Variants in NPHP4 observed in about 807,000 individuals in gnomAD.
The protein encoded by NPHP4 is nephrocystin-4.
A neutral mutation model predicts 155.8 loss-of-function variants in NPHP4; 151 were observed. The ratio of observed to expected loss-of-function variants is 0.97; its 90% CI spans 0.85 to 1.11. NPHP4 has a LOEUF of 1.11. NPHP4 is among the 50% of genes least tolerant of loss of function. The pLI, the probability that NPHP4 is intolerant of heterozygous loss-of-function variation, is 0.00. For missense variants in NPHP4, 1,956 were observed against 1,925.7 expected (o/e 1.02, Z -0.29); for synonymous variants, 845 against 816.8 (o/e 1.03, Z -0.59).
chr1:5,909,616 C>G (rs1217377863), intron 11 of NPHP4, among the ~76,000 whole-genome samples: 2 of 152,134 alleles, frequency 1.3e-5, no homozygotes, highest in South Asian at 4.1e-4. Flanking sequence ...GTTTTGTTAA[C>G]CGAGAAGCTC....
At chr1:5,921,542 AT>A (rs1645741303) in intron 11 of NPHP4, among the ~76,000 whole-genome samples, 1 of 152,168 alleles carries the variant, frequency 6.6e-6, no homozygotes, top group Non-Finnish European at 1.5e-5. Context: ...ACGGTTTGTC[AT>A]TTTATTTTCA....
intron 10 of NPHP4, among the ~76,000 whole-genome samples, chr1:5,929,313 C>A (rs985730674): frequency 2.4e-4 from 37 of 152,218 alleles, no homozygotes; most frequent in Non-Finnish European, 8.8e-5. Context: ...GCACTGACTA[C>A]AACTTCCAGT....
intron 9 of NPHP4, among the ~76,000 whole-genome samples, chr1:5,940,166 G>A (rs746362423): frequency 5.3e-5 from 8 of 152,196 alleles, no homozygotes; most frequent in African/African-American, 1.2e-4. Context: ...GGGCTGGGAG[G>A]TGGAGCCTCA....
chr1:5,864,494 C>A lies in NPHP4; in HGVS notation c.3840G>T (p.Val1280=). 6.3e-7 allele frequency: 1 copy of A among 1,589,996 alleles called. No individual in the cohort carries two copies. The highest frequency in any genetic ancestry group is 8.6e-7 in the Non-Finnish European group (1 of 1,167,298). Residue 1280 remains valine (V), a synonymous_variant, in exon 28 of 30, where the codon GTG becomes GTT. Coordinates refer to ENST00000378156, the MANE Select transcript of NPHP4 (RefSeq NM_015102.5). ...ELKTDPKGVF[V]LPPRGVQDLH... is the part of the protein sequence containing the mutation. ...GGTCCTGCACCCCACGAGGCGGCAGCACGAAGACACCTTTGGGGTCTGTCT... is the reference window on the plus strand; with the variant it reads ...GGTCCTGCACCCCACGAGGCGGCAGAACGAAGACACCTTTGGGGTCTGTCT...
chr1:5,873,138 GC>G (rs1294362485), intron 23 of NPHP4, 113 bp downstream of exon 23: 13 of 917,170 alleles, frequency 1.4e-5, no homozygotes, highest in Non-Finnish European at 2.3e-5. Context: ...CGCCACCCCT[GC>G]CCTGACCTGG....
intron 7 of NPHP4, 146 bp from the exon 8 acceptor site, chr1:5,948,397 T>C (rs1456062404): frequency 3.2e-6 from 2 of 633,922 alleles, no homozygotes; most frequent in East Asian, 5.5e-5. Context: ...TCAAGATGAG[T>C]GCAAGCAAAT....
At position 5,865,131 on chromosome 1, in the gene NPHP4, C is replaced by T; in HGVS notation, c.3787G>A (p.Ala1263Thr). ...RGTQTVRKVR[A>T]FTSHPQELKT... is the part of the protein sequence containing the mutation. ...AGCTCCTGGGGATGAGAGGTGAAAG[C>T]TCTCACTTTCCTCACTGTCTGTGTC... The change falls in exon 27 of 30, where the codon GCT (alanine) becomes ACT (threonine). Residue 1263 changes from alanine to threonine, a missense_variant. Coordinates refer to ENST00000378156, the MANE Select transcript of NPHP4 (RefSeq NM_015102.5). 1 of 1,613,690 alleles carries T rather than the reference C, an allele frequency of 6.2e-7. No individual in the cohort carries two copies. The highest frequency in any genetic ancestry group is 8.5e-7 in the Non-Finnish European group (1 of 1,179,806).
rs747592217 is a variant in NPHP4, at chr1:5,874,536, G to A, written c.3166C>T (p.His1056Tyr). The change falls in exon 22 of 30, where the codon CAC (histidine) becomes TAC (tyrosine). Residue 1056 changes from histidine to tyrosine, a missense_variant. Transcript: ENST00000378156. ...TTGAAGGGGACGTGGGCGGTCTCGT[G>A]GGGGCGCAGGTAGAGCTGGGGGGCC... Reference protein sequence around the residue: ...SLAPQLYLRPHETAHVPFKFQ... With the variant: ...SLAPQLYLRPYETAHVPFKFQ... The A allele has an allele frequency of 2.5e-6, 4 of 1,597,042 alleles. No individual in the cohort carries two copies. The highest frequency in any genetic ancestry group is 2.3e-5 in the South Asian group (2 of 88,094).
chr1:5,880,813 T>C (rs961341606), intron 18 of NPHP4: 1 of 155,354 alleles, frequency 6.4e-6, no homozygotes, highest in Non-Finnish European at 1.4e-5. Context: ...AACCTGAGTG[T>C]CCTGGGGGAA....
chr1:5,978,324 C>A lies in NPHP4; in HGVS notation c.225G>T (p.Trp75Cys). 6.2e-7 allele frequency: 1 copy of A among 1,609,448 alleles called. No homozygotes were observed. Among genetic ancestry groups the A allele is most frequent in the Non-Finnish European group, 8.5e-7 (1 of 1,178,156 alleles). The change falls in exon 3 of 30, where the codon TGG becomes TGT. Residue 75 changes from tryptophan to cysteine, a missense_variant. Trp to Cys is a radical substitution (Grantham distance 215). Transcript: ENST00000378156. ...TCTTCGTCGGCTTCACTGTGGTTTT[C>A]CACGTCCTCCCAAAGAAGTGCCGGT... Reference protein sequence around the residue: ...VTYRHFFGRTWKTTVKPTKRP... With the variant: ...VTYRHFFGRTCKTTVKPTKRP...
At chr1:5,957,219 C>A (rs1016580682) in intron 6 of NPHP4, among the ~76,000 whole-genome samples, 1 of 152,170 alleles carries the variant, frequency 6.6e-6, no homozygotes, top group Admixed American at 6.5e-5. Flanking sequence ...TATGGAAAAA[C>A]ACACCCCACT....
At chr1:5,877,909 C>T (rs1642786094) in intron 19 of NPHP4, among the ~76,000 whole-genome samples, 1 of 152,250 alleles carries the variant, frequency 6.6e-6, no homozygotes, top group Admixed American at 6.5e-5. Context: ...TGAACAGGGT[C>T]AAGCACTGGC....
In NPHP4 at chr1:5,865,114, G is replaced by A. The variant is rs1279952528; in HGVS notation, c.3804C>T (p.Pro1268=). The change falls in exon 27 of 30, where the codon CCC becomes CCT. Residue 1268 remains proline (P), a synonymous_variant. Transcript: ENST00000378156. ...VRKVRAFTSH[P]QELKTDPKGV... ...AGAGAGGCCGTACCTTCAGCTCCTGGGGATGAGAGGTGAAAGCTCTCACTT... is the reference window on the plus strand; with the variant it reads ...AGAGAGGCCGTACCTTCAGCTCCTGAGGATGAGAGGTGAAAGCTCTCACTT... The A allele has an allele frequency of 1.5e-5, 24 of 1,613,552 alleles. No homozygotes were observed. Among genetic ancestry groups the A allele is most frequent in the Admixed American group, 5.0e-5 (3 of 60,002 alleles).
chr1:5,876,550 C>T (rs1464973514), intron 20 of NPHP4: 25 of 152,332 alleles, frequency 1.6e-4, no homozygotes, highest in Admixed American at 1.6e-3. Flanking sequence ...CACCTCTGTT[C>T]AGACCCCGGC....
intron 5 of NPHP4, 51 bp from the exon 6 acceptor site, chr1:5,962,000 T>A (rs371635791): frequency 2.7e-6 from 4 of 1,479,670 alleles, no homozygotes; most frequent in Non-Finnish European, 3.7e-6. Flanking sequence ...GCAAAGGTGC[T>A]TCCAGTCAAA....
chr1:5,907,987 C>T (rs1644995828), intron 12 of NPHP4, among the ~76,000 whole-genome samples: 1 of 152,186 alleles, frequency 6.6e-6, no homozygotes, highest in Non-Finnish European at 1.5e-5. Context: ...AGATCTCAAA[C>T]CCGGACTCTA....
chr1:5,988,062 C>A (rs922118484), intron 1 of NPHP4, among the ~76,000 whole-genome samples: 1 of 152,156 alleles, frequency 6.6e-6, no homozygotes, highest in Non-Finnish European at 1.5e-5. Flanking sequence ...TGCATGACTC[C>A]GTGAACCAAT....
At position 5,944,551 on chromosome 1, in the gene NPHP4, T is replaced by A. The variant is rs1157693039; in HGVS notation, c.1119+2553A>T. ...CAATGGTTCCGCACAGGAAGCAATT[T>A]TTGTGTGGAAGGTCATTTCACACAC... On this transcript the variant is annotated intron_variant, in intron 9 of 29. Coordinates refer to ENST00000378156, the MANE Select transcript of NPHP4 (RefSeq NM_015102.5). The surrounding 1 kb of genome is among the most constrained non-coding windows in gnomAD (Gnocchi z 4.3). Among the ~76,000 whole-genome samples, 1 of 152,334 alleles carries A rather than the reference T, an allele frequency of 6.6e-6. No homozygotes were observed. Among genetic ancestry groups the A allele is most frequent in the African/African-American group, 2.4e-5 (1 of 41,574 alleles).
At chr1:5,967,502 G>GATGGGA in intron 4 of NPHP4, 139 bp from the exon 5 acceptor site, 37 of 680,988 alleles carry the variant, frequency 5.4e-5, no homozygotes, top group South Asian at 1.0e-4. Context: ...GAAGGCAGAG[G>GATGGGA]CAGCTGAGGC....
Sources: gnomAD v4.1 joint callset for allele counts (sites outside exome capture counted in the v4.1 genomes callset) on GRCh38, gnomAD v4.1.1 for gene constraint, Gnocchi (gnomAD v3.1) non-coding constraint, MANE v1.5 for transcripts, NCBI Gene and HGNC (gene_info 2026-07-23, HGNC 2026-07-21) for gene names.